The following PTPRN2 variants were observed in gnomAD, a reference collection of about 807,000 sequenced individuals.
PTPRN2 encodes the protein protein tyrosine phosphatase receptor type N2.
In PTPRN2, 74 loss-of-function variants were observed where a neutral mutation model predicts 118.8. That is an observed-to-expected ratio of 0.62 (90% CI 0.52 to 0.76). The LOEUF (loss-of-function observed/expected upper bound fraction) is 0.76. Ranked by LOEUF, PTPRN2 falls within the 30% of genes least tolerant of loss-of-function variation. PTPRN2 has a pLI of 0.00. For synonymous variants in PTPRN2, 641 were observed against 608.0 expected (o/e 1.05, Z -0.80); for missense variants, 1,481 against 1,394.4 (o/e 1.06, Z -0.99).
intron 15 of PTPRN2, among the ~76,000 whole-genome samples, chr7:157,613,563 G>T (rs955514784): frequency 6.6e-6 from 1 of 152,188 alleles, no homozygotes; most frequent in Admixed American, 6.5e-5. Context: ...CGGGCTCCTC[G>T]CTGAGCCGCA....
At chr7:158,518,352 G>T (rs72505575) in intron 1 of PTPRN2, among the ~76,000 whole-genome samples, 1 of 152,048 alleles carries the variant, frequency 6.6e-6, no homozygotes, top group East Asian at 1.9e-4. Flanking sequence ...GAGATGATAC[G>T]GATTTCACGG....
intron 3 of PTPRN2, among the ~76,000 whole-genome samples, chr7:158,280,460 G>A (rs765068295): frequency 6.6e-6 from 1 of 152,218 alleles, no homozygotes; most frequent in Non-Finnish European, 1.5e-5. Flanking sequence ...CTACTCTGAC[G>A]GCTCAGCCTC....
chr7:157,568,901 C>T lies in PTPRN2; in HGVS notation c.2902+1G>A. On this transcript the variant is annotated splice_donor_variant, in intron 21 of 22. Transcript: ENST00000389418. LOFTEE classifies it high-confidence loss of function. The stretch of plus-strand genomic sequence containing the variant: ...ACAAAGCGGCAGTGTCTGTGTCTCA[C>T]CTTTGGCCATCTTGTTGAGAACCAT... 6.4e-7 allele frequency: 1 copy of T among 1,557,392 alleles called. No individual in the cohort carries two copies. Among genetic ancestry groups the T allele is most frequent in the Non-Finnish European group, 8.9e-7 (1 of 1,128,512 alleles).
rs542799877 is a variant in PTPRN2, at chr7:157,835,650, C to T, written c.1788+63023G>A. Among the ~76,000 whole-genome samples, 8 of 152,012 alleles carry T rather than the reference C, an allele frequency of 5.3e-5. No homozygotes were observed. In the East Asian group the frequency reaches 1.2e-3, roughly 22 times the overall value. The stretch of plus-strand genomic sequence containing the variant: ...CAGGGCGCTCGGGAGGGTGCAGGGG[C>T]GAAATTAACAACATAGCCGAAGGGT... On this transcript the variant is annotated intron_variant, in intron 12 of 22. Transcript: ENST00000389418.
At position 158,423,540 on chromosome 7, in the gene PTPRN2, T is replaced by C. The variant is rs1815440234; in HGVS notation, c.163+66195A>G. ...AGAGATTAGCCCCTCTGGTTCCTCATTTTTTTTTTTTGAGACAAAGTCTCA... is the reference window on the plus strand; with the variant it reads ...AGAGATTAGCCCCTCTGGTTCCTCACTTTTTTTTTTTGAGACAAAGTCTCA... On this transcript the variant is annotated intron_variant, in intron 2 of 22. Transcript: ENST00000389418. Among the ~76,000 whole-genome samples, 3 of 50,046 alleles carry C rather than the reference T, an allele frequency of 6.0e-5. 1 individual carries two copies. In the Middle Eastern group the frequency reaches 0.045, roughly 758 times the overall value. 32.8% of individuals were successfully genotyped at this position (50,046 alleles called of 152,430 possible). A position where few individuals can be genotyped will look rare whatever the true frequency, so the allele number is the denominator to read the frequency against.
chr7:158,583,964 G>A (rs978344819), intron 1 of PTPRN2, among the ~76,000 whole-genome samples: 3 of 152,152 alleles, frequency 2.0e-5, no homozygotes, highest in Admixed American at 6.6e-5. Context: ...AAACAATCAC[G>A]CCATCTCCTT....
chr7:157,590,129 A>G lies in PTPRN2; in HGVS notation c.2496+5109T>C, dbSNP rs756951160. Among the ~76,000 whole-genome samples the G allele has an allele frequency of 6.6e-6, 1 of 152,238 alleles. No homozygotes were observed. The highest frequency in any genetic ancestry group is 6.5e-5 in the Admixed American group (1 of 15,286). ...GGACATGTTTCTTCCTAAGATCTTG[A>G]TATGACTTCAAATAATGTAGCACAA... On this transcript the variant is annotated intron_variant, in intron 17 of 22. Coordinates refer to ENST00000389418, the MANE Select transcript of PTPRN2 (RefSeq NM_002847.5). The surrounding 1 kb of genome is among the most constrained non-coding windows in gnomAD (Gnocchi z 4.0).
At chr7:158,373,130 T>C (rs7802237) in intron 2 of PTPRN2, among the ~76,000 whole-genome samples, 139,709 of 152,354 alleles carry the variant, frequency 0.92, 64,144 homozygotes, top group African/African-American at 0.96. Context: ...CCAAGATGGC[T>C]TTGTCTGTAA....
rs1054992844 is a variant in PTPRN2, at chr7:158,183,458, C to T, written c.549+8869G>A. ...CTGGGTTATGGCCAAGGGAGTTTGT[C>T]CCCACTCAAGATTAGATTGCAAATT... On this transcript the variant is annotated intron_variant, in intron 5 of 22. Coordinates refer to ENST00000389418, the MANE Select transcript of PTPRN2 (RefSeq NM_002847.5). Among the ~76,000 whole-genome samples, 5 of 152,170 alleles carry T rather than the reference C, an allele frequency of 3.3e-5. No homozygotes were observed. In the South Asian group the frequency reaches 1.0e-3, roughly 32 times the overall value.
intron 12 of PTPRN2, among the ~76,000 whole-genome samples, chr7:157,684,890 G>T (rs1434497943): frequency 6.6e-6 from 1 of 152,100 alleles, no homozygotes; most frequent in East Asian, 1.9e-4. Flanking sequence ...GCGCGCGGGG[G>T]GCCCCAGGCG....
At chr7:157,769,863 C>T (rs1802695178) in intron 12 of PTPRN2, among the ~76,000 whole-genome samples, 1 of 152,230 alleles carries the variant, frequency 6.6e-6, no homozygotes, top group Non-Finnish European at 1.5e-5. Flanking sequence ...CCCCTCCCTG[C>T]CACCCGCCCC....
At chr7:158,296,092 G>A (rs1001301762) in intron 3 of PTPRN2, among the ~76,000 whole-genome samples, 2 of 152,262 alleles carry the variant, frequency 1.3e-5, no homozygotes, top group Non-Finnish European at 1.5e-5. Context: ...GGGCCTAGGC[G>A]AGGACAGGCA....
At chr7:157,737,497 G>T (rs1800370132) in intron 12 of PTPRN2, among the ~76,000 whole-genome samples, 1 of 152,246 alleles carries the variant, frequency 6.6e-6, no homozygotes. Flanking sequence ...TTGTGCCCGG[G>T]CAGGGGGCGC....
intron 11 of PTPRN2, among the ~76,000 whole-genome samples, chr7:157,968,208 C>G (rs1311786251): frequency 1.3e-5 from 2 of 152,144 alleles, no homozygotes; most frequent in Non-Finnish European, 2.9e-5. Flanking sequence ...CATCTGACAC[C>G]ATGTAACAAG....
chr7:158,514,049 A>G lies in PTPRN2; in HGVS notation c.113-24264T>C, dbSNP rs548699262. ...CTGTCTTAGCTCTAAAGCACCCAGC[A>G]CTCTGCATCAACACCACGGGCATCA... On this transcript the variant is annotated intron_variant, in intron 1 of 22. Coordinates refer to ENST00000389418, the MANE Select transcript of PTPRN2 (RefSeq NM_002847.5). 3.9e-5 allele frequency among the ~76,000 whole-genome samples: 6 copies of G among 152,270 alleles called. No homozygotes were observed. The East Asian group carries it at 9.6e-4, about 24-fold the overall frequency.
At chr7:157,938,849 T>C (rs1276166322) in intron 11 of PTPRN2, among the ~76,000 whole-genome samples, 1 of 152,232 alleles carries the variant, frequency 6.6e-6, no homozygotes, top group Non-Finnish European at 1.5e-5. Context: ...GTTTTAAATC[T>C]ACCGGAGTGG....
intron 17 of PTPRN2, among the ~76,000 whole-genome samples, chr7:157,581,671 G>C (rs554582301): frequency 6.6e-5 from 10 of 152,340 alleles, no homozygotes; most frequent in Middle Eastern, 3.4e-3. Flanking sequence ...ACCCAACTGA[G>C]TAAGTTTACT....
intron 1 of PTPRN2, among the ~76,000 whole-genome samples, chr7:158,528,068 G>A (rs1382161815): frequency 6.6e-6 from 1 of 152,224 alleles, no homozygotes; most frequent in Non-Finnish European, 1.5e-5. Context: ...AGCTGCTCCT[G>A]GGTGTTCCTG....
At chr7:157,657,144 A>G (rs144968564) in intron 13 of PTPRN2, among the ~76,000 whole-genome samples, 13,157 of 94,350 alleles carry the variant, frequency 0.14, 2,806 homozygotes, top group Non-Finnish European at 0.17. Flanking sequence ...CATACGCCAC[A>G]CACACACACC....
Sources: allele counts gnomAD v4.1 joint callset (sites outside exome capture counted in the v4.1 genomes callset), GRCh38; gene constraint gnomAD v4.1.1; non-coding constraint Gnocchi (gnomAD v3.1); transcripts MANE v1.5; gene names NCBI Gene and HGNC (gene_info 2026-07-23, HGNC 2026-07-21).